Variants in MCF2L2 observed in about 807,000 individuals in gnomAD.
MCF2L2 encodes probable guanine nucleotide exchange factor MCF2L2.
Under a neutral mutation model 150.2 loss-of-function variants are expected in MCF2L2, and 102 were observed. The observed-to-expected ratio is 0.68, with a 90% CI of 0.58 to 0.80. The LOEUF (loss-of-function observed/expected upper bound fraction) is 0.80. Among genes scored for constraint, MCF2L2 ranks in the 30% least tolerant of loss-of-function variants. The pLI is 0.00. For missense variants in MCF2L2, 1,256 were observed against 1,372.8 expected, an observed-to-expected ratio of 0.91 and a Z score of 1.34; for synonymous variants, 465 against 491.3, an observed-to-expected ratio of 0.95 and a Z score of 0.71.
At chr3:183,336,983 T>C (rs1407925009) in intron 5 of MCF2L2, among the ~76,000 whole-genome samples, 1 of 152,100 alleles carries the variant, frequency 6.6e-6, no homozygotes, top group Non-Finnish European at 1.5e-5. Flanking sequence ...TATCACAACA[T>C]AGTTTTGCCT....
At chr3:183,239,218 TA>T (rs1256467156) in intron 15 of MCF2L2, among the ~76,000 whole-genome samples, 5 of 152,186 alleles carry the variant, frequency 3.3e-5, no homozygotes, top group African/African-American at 1.2e-4. Flanking sequence ...CAGCCTGCAC[TA>T]ATGTACTCTG....
At chr3:183,334,072 G>C (rs751772876) in intron 5 of MCF2L2, among the ~76,000 whole-genome samples, 19 of 151,744 alleles carry the variant, frequency 1.3e-4, no homozygotes, top group Non-Finnish European at 1.6e-4. Context: ...CGATAATTGA[G>C]AATGGCAATG....
intron 3 of MCF2L2, among the ~76,000 whole-genome samples, chr3:183,342,784 T>C (rs1012860527): frequency 1.3e-5 from 2 of 152,260 alleles, no homozygotes. Flanking sequence ...AAGTCTTATG[T>C]GCTTGTCACA....
At chr3:183,248,603 G>A (rs1724366110) in intron 15 of MCF2L2, among the ~76,000 whole-genome samples, 1 of 152,164 alleles carries the variant, frequency 6.6e-6, no homozygotes, top group African/African-American at 2.4e-5. Flanking sequence ...GGCAGGTGGA[G>A]GCAGGTGGAT....
At chr3:183,220,672 C>T (rs889277518) in intron 20 of MCF2L2, among the ~76,000 whole-genome samples, 1 of 152,148 alleles carries the variant, frequency 6.6e-6, no homozygotes, top group South Asian at 2.1e-4. Context: ...AGCCCCTAGC[C>T]TACAAGGGGT....
chr3:183,183,482 A>C (rs1721596739), intron 27 of MCF2L2, among the ~76,000 whole-genome samples: 1 of 152,220 alleles, frequency 6.6e-6, no homozygotes, highest in South Asian at 2.1e-4. Flanking sequence ...TGAGAGGCCC[A>C]TTGCCCCATG....
In MCF2L2 at chr3:183,338,447, C is replaced by CAA. The variant is rs58920831; in HGVS notation, c.486+351_486+352dup. On this transcript the variant is annotated intron_variant, in intron 5 of 29. Transcript: ENST00000328913. ...GGGTGACAGGAGCGAAACTCTATCTCAAAAAAAAAAAAAAAAAAGAAAAAG... is the reference window on the plus strand; with the variant it reads ...GGGTGACAGGAGCGAAACTCTATCTCAAAAAAAAAAAAAAAAAAAAGAAAAAG... Among the ~76,000 whole-genome samples the CAA allele has an allele frequency of 1.2e-3, 124 of 104,690 alleles. 3 individuals carry two copies. In the East Asian group the frequency reaches 0.019, roughly 16 times the overall value. 68.7% of individuals were successfully genotyped at this position (104,690 alleles called of 152,430 possible). A position where few individuals can be genotyped will look rare whatever the true frequency, so the allele number is the denominator to read the frequency against.
chr3:183,358,790 T>C (rs1168042055), intron 3 of MCF2L2, among the ~76,000 whole-genome samples: 1 of 124,486 alleles, frequency 8.0e-6, no homozygotes, highest in African/African-American at 3.7e-5. Flanking sequence ...CCAGTTAATA[T>C]TTTTTTTTTA....
At chr3:183,261,508 A>AT (rs1048302321) in intron 15 of MCF2L2, among the ~76,000 whole-genome samples, 11 of 152,238 alleles carry the variant, frequency 7.2e-5, no homozygotes, top group African/African-American at 2.4e-4. Context: ...TATAAAGGAA[A>AT]TTTTTTTAAA....
chr3:183,277,388 T>G (rs1342344285), intron 14 of MCF2L2, among the ~76,000 whole-genome samples: 1 of 150,712 alleles, frequency 6.6e-6, no homozygotes, highest in Non-Finnish European at 1.5e-5. Flanking sequence ...TGAAGGGCTA[T>G]TCATACTTTA....
intron 15 of MCF2L2, among the ~76,000 whole-genome samples, chr3:183,239,584 T>G (rs1287589332): frequency 1.4e-5 from 1 of 71,806 alleles, no homozygotes; most frequent in Non-Finnish European, 2.8e-5. Context: ...TCACCCCCCC[T>G]TCCCCGCCTC....
chr3:183,401,457 G>C (rs1714751946), intron 1 of MCF2L2, among the ~76,000 whole-genome samples: 1 of 152,022 alleles, frequency 6.6e-6, no homozygotes. Context: ...ACTTAATTTG[G>C]GGGGAGGGAT....
intron 10 of MCF2L2, among the ~76,000 whole-genome samples, chr3:183,306,692 A>G (rs1235865464): frequency 6.6e-6 from 1 of 152,202 alleles, no homozygotes; most frequent in Non-Finnish European, 1.5e-5. Flanking sequence ...TGAATGATGG[A>G]CACTTGGAGT....
At position 183,295,280 on chromosome 3, in the gene MCF2L2, C is replaced by A. The variant is rs4456885; in HGVS notation, c.1675+20G>T. 4 of 1,586,740 alleles carry A rather than the reference C, an allele frequency of 2.5e-6. No homozygotes were observed. In the Admixed American group the frequency reaches 7.6e-5, roughly 30 times the overall value. On this transcript the variant is annotated intron_variant, in intron 13 of 29. Coordinates refer to ENST00000328913, the MANE Select transcript of MCF2L2 (RefSeq NM_015078.4). The stretch of plus-strand genomic sequence containing the variant: ...ATGAAACACAAAAGCCACAAAGCTT[C>A]TTTTCCTCAAATAACCTACCCGAGG...
At chr3:183,365,926 A>C (rs9881489) in intron 3 of MCF2L2, among the ~76,000 whole-genome samples, 5,034 of 152,224 alleles carry the variant, frequency 0.033, 264 homozygotes, top group African/African-American at 0.11. Context: ...TCAAAAACTC[A>C]ATAGAATAAC....
At chr3:183,351,254 C>A in intron 3 of MCF2L2, among the ~76,000 whole-genome samples, 1 of 91,012 alleles carries the variant, frequency 1.1e-5, no homozygotes. Flanking sequence ...ATTTATTTAT[C>A]AGAACCCCAG....
chr3:183,179,273 G>A lies in MCF2L2; in HGVS notation c.*107C>T. On this transcript the variant is annotated 3_prime_UTR_variant, in exon 30 of 30. Coordinates refer to ENST00000328913, the MANE Select transcript of MCF2L2 (RefSeq NM_015078.4). The surrounding 1 kb of genome is among the most constrained non-coding windows in gnomAD (Gnocchi z 4.2). ...GTTGTCCCCTTTCTGCCGCCGCCGA[G>A]GCTCCGGCTGCTTTCTGCGTAGCTG... 1 of 1,335,874 alleles carries A rather than the reference G, an allele frequency of 7.5e-7. No homozygotes were observed. The highest frequency in any genetic ancestry group is 1.5e-5 in the African/African-American group (1 of 64,718). The allele number at this position is 1,335,874 out of a possible 1,614,324, so 82.8% of individuals were successfully genotyped here.
intron 3 of MCF2L2, among the ~76,000 whole-genome samples, chr3:183,344,471 C>A (rs1486792631): frequency 6.6e-6 from 1 of 152,160 alleles, no homozygotes; most frequent in African/African-American, 2.4e-5. Context: ...ACGGCAAAAA[C>A]ATACCAAAAT....
In MCF2L2 at chr3:183,427,924, C is replaced by G; in HGVS notation, c.54G>C (p.Leu18=). Residue 18 remains leucine (L), a synonymous_variant, in exon 1 of 30, where the codon CTG becomes CTC. Coordinates refer to ENST00000328913, the MANE Select transcript of MCF2L2 (RefSeq NM_015078.4). ...TACCGACATGAGTGATCACTGTGGC[C>G]AGTCGCCGGGTGAGCTCCTGGGGAG... ...EMPPQELTRR[L]ATVITHVDEI... is the part of the protein sequence containing the mutation. The G allele has an allele frequency of 6.2e-7, 1 of 1,614,106 alleles. No homozygotes were observed. Among genetic ancestry groups the G allele is most frequent in the South Asian group, 1.1e-5 (1 of 91,068 alleles).
Sources: gnomAD v4.1 joint callset for allele counts (sites outside exome capture counted in the v4.1 genomes callset) on GRCh38, gnomAD v4.1.1 for gene constraint, Gnocchi (gnomAD v3.1) non-coding constraint, MANE v1.5 for transcripts, NCBI Gene and HGNC (gene_info 2026-07-23, HGNC 2026-07-21) for gene names.